Variants in TACR1 observed in about 807,000 individuals in gnomAD.
TACR1 encodes substance-P receptor.
Under a neutral mutation model 35.8 loss-of-function variants are expected in TACR1, and 25 were observed. The observed-to-expected ratio is 0.70, with a 90% confidence interval of 0.51 to 0.98. The LOEUF (loss-of-function observed/expected upper bound fraction) is 0.98, where lower values mean the gene tolerates loss of function less well. Among genes scored for constraint, TACR1 ranks in the 50% least tolerant of loss-of-function variants. TACR1 has a pLI of 0.00. For missense variants in TACR1, 478 were observed against 522.9 expected, an observed-to-expected ratio of 0.91 and a Z score of 0.84; for synonymous variants, 195 against 206.7, an observed-to-expected ratio of 0.94 and a Z score of 0.48.
At chr2:75,061,822 C>A (rs954237843) in intron 2 of TACR1, among the ~76,000 whole-genome samples, 3 of 152,258 alleles carry the variant, frequency 2.0e-5, no homozygotes, top group African/African-American at 7.2e-5. Flanking sequence ...AGAGGGAAGG[C>A]CACACTGACA....
At chr2:75,156,592 G>C (rs1240493096) in intron 1 of TACR1, among the ~76,000 whole-genome samples, 2 of 122,280 alleles carry the variant, frequency 1.6e-5, no homozygotes, top group Non-Finnish European at 3.3e-5. Context: ...AACAGAGCGA[G>C]ACTCCGTCTC....
chr2:75,155,645 C>T (rs1674829680), intron 1 of TACR1, among the ~76,000 whole-genome samples: 1 of 152,220 alleles, frequency 6.6e-6, no homozygotes, highest in Non-Finnish European at 1.5e-5. Context: ...TGGAAAATCA[C>T]CAATTACCCT....
chr2:75,107,428 A>G (rs1490753268), intron 2 of TACR1, among the ~76,000 whole-genome samples: 2 of 152,104 alleles, frequency 1.3e-5, no homozygotes, highest in East Asian at 3.9e-4. Context: ...GAGCATTCTA[A>G]TAAGTCCCAA....
intron 2 of TACR1, among the ~76,000 whole-genome samples, chr2:75,055,544 G>A (rs1195722501): frequency 8.5e-5 from 13 of 152,214 alleles, no homozygotes; most frequent in Admixed American, 8.5e-4. Flanking sequence ...CAGGGGCAGG[G>A]AGAACTTGAA....
chr2:75,082,586 G>A (rs1181929757), intron 2 of TACR1, among the ~76,000 whole-genome samples: 1 of 152,150 alleles, frequency 6.6e-6, no homozygotes, highest in Non-Finnish European at 1.5e-5. Context: ...TCCAGCACCT[G>A]TTGTCTCCTG....
chr2:75,060,765 G>A (rs557616334), intron 2 of TACR1, among the ~76,000 whole-genome samples: 2 of 152,198 alleles, frequency 1.3e-5, no homozygotes, highest in African/African-American at 4.8e-5. Context: ...GTGAGCCTTT[G>A]GGGTGCTCTG....
chr2:75,152,652 A>G (rs944810114), intron 1 of TACR1, among the ~76,000 whole-genome samples: 3 of 152,228 alleles, frequency 2.0e-5, no homozygotes, highest in Non-Finnish European at 2.9e-5. Context: ...TAAATCTGAA[A>G]ACAGGAAGCT....
intron 1 of TACR1, among the ~76,000 whole-genome samples, chr2:75,131,339 T>TG (rs1674173940): frequency 6.6e-6 from 1 of 152,068 alleles, no homozygotes; most frequent in Non-Finnish European, 1.5e-5. Context: ...CTGCCTGCCT[T>TG]GGCCTCCCAA....
intron 1 of TACR1, among the ~76,000 whole-genome samples, chr2:75,133,126 A>G (rs1407929004): frequency 6.6e-6 from 1 of 152,250 alleles, no homozygotes; most frequent in Non-Finnish European, 1.5e-5. Flanking sequence ...CCCTTAAGAC[A>G]AAAGCCAGCT....
intron 1 of TACR1, among the ~76,000 whole-genome samples, chr2:75,194,623 C>T (rs1675922223): frequency 6.6e-6 from 1 of 152,058 alleles, no homozygotes. Context: ...GTGATTTATT[C>T]ATGTTTTTGT....
intron 1 of TACR1, among the ~76,000 whole-genome samples, chr2:75,161,697 G>C (rs773012394): frequency 3.3e-5 from 5 of 151,962 alleles, no homozygotes; most frequent in African/African-American, 7.2e-5. Context: ...AGCAGAAGTA[G>C]ACAAAGCATA....
intron 2 of TACR1, among the ~76,000 whole-genome samples, chr2:75,108,206 A>T (rs1358759045): frequency 6.6e-6 from 1 of 152,104 alleles, no homozygotes; most frequent in Non-Finnish European, 1.5e-5. Flanking sequence ...CCAAAATCTG[A>T]CAAAGACAGC....
intron 1 of TACR1, among the ~76,000 whole-genome samples, chr2:75,157,448 T>C (rs1674890815): frequency 6.6e-6 from 1 of 152,082 alleles, no homozygotes; most frequent in Non-Finnish European, 1.5e-5. Flanking sequence ...GGATTTGACA[T>C]AGGAAAATCA....
intron 2 of TACR1, among the ~76,000 whole-genome samples, chr2:75,104,768 C>G (rs1211166721): frequency 1.3e-5 from 2 of 152,060 alleles, no homozygotes; most frequent in Non-Finnish European, 2.9e-5. Context: ...AAATGGCTTT[C>G]AGGTATATGA....
chr2:75,176,612 C>T (rs1675426047), intron 1 of TACR1, among the ~76,000 whole-genome samples: 1 of 152,168 alleles, frequency 6.6e-6, no homozygotes, highest in Non-Finnish European at 1.5e-5. Flanking sequence ...TGAGACTCTT[C>T]ATCTAGACTG....
At chr2:75,062,240 A>G (rs995279204) in intron 2 of TACR1, among the ~76,000 whole-genome samples, 1 of 152,086 alleles carries the variant, frequency 6.6e-6, no homozygotes, top group Non-Finnish European at 1.5e-5. Flanking sequence ...TAGGTTTCTC[A>G]CTACAAGTAC....
intron 2 of TACR1, among the ~76,000 whole-genome samples, chr2:75,088,491 G>T (rs1287684064): frequency 6.6e-6 from 1 of 152,218 alleles, no homozygotes; most frequent in Non-Finnish European, 1.5e-5. Flanking sequence ...TTGGTTTTAA[G>T]TAGCTAGAGG....
At chr2:75,142,839 C>T (rs1374604008) in intron 1 of TACR1, among the ~76,000 whole-genome samples, 2 of 152,140 alleles carry the variant, frequency 1.3e-5, no homozygotes, top group African/African-American at 2.4e-5. Flanking sequence ...CTACCCATGG[C>T]CTAATGAATT....
intron 2 of TACR1, among the ~76,000 whole-genome samples, chr2:75,061,647 T>A (rs1672676274): frequency 6.6e-6 from 1 of 152,156 alleles, no homozygotes; most frequent in Admixed American, 6.5e-5. Flanking sequence ...ACATAGGCTC[T>A]GGGCAGGAAT....
Sources: gnomAD v4.1 joint callset for allele counts (sites outside exome capture counted in the v4.1 genomes callset) on GRCh38, gnomAD v4.1.1 for gene constraint, MANE v1.5 for transcripts, NCBI Gene and HGNC (gene_info 2026-07-23, HGNC 2026-07-21) for gene names.